The following AHI1 variants were observed in gnomAD, a reference collection of about 807,000 sequenced individuals.
AHI1 encodes Abelson helper integration site 1, also known as jouberin.
A neutral mutation model predicts 149.3 loss-of-function variants in AHI1; 123 were observed. The observed-to-expected ratio is 0.82, with a 90% CI of 0.71 to 0.96. The LOEUF (loss-of-function observed/expected upper bound fraction) is 0.96, where lower values mean the gene tolerates loss of function less well. Ranked by LOEUF, AHI1 falls within the 40% of genes least tolerant of loss-of-function variation. AHI1 has a pLI of 0.00. For missense variants in AHI1, 1,439 were observed against 1,422.7 expected, an observed-to-expected ratio of 1.01 and a Z score of -0.18; for synonymous variants, 475 against 459.8, an observed-to-expected ratio of 1.03 and a Z score of -0.42.
intron 12 of AHI1, 62 bp from the exon 13 acceptor site, chr6:135,447,222 T>C (rs898412164): frequency 3.5e-5 from 41 of 1,171,580 alleles, no homozygotes; most frequent in Non-Finnish European, 4.2e-5. Flanking sequence ...TTTTCTAGCA[T>C]ATAGTTTTTA....
At chr6:135,376,878 T>A (rs1226982103) in intron 23 of AHI1, among the ~76,000 whole-genome samples, 3 of 47,116 alleles carry the variant, frequency 6.4e-5, no homozygotes, top group Non-Finnish European at 9.8e-5. Flanking sequence ...CGAGACTCCA[T>A]CTCAAAAAAA....
intron 26 of AHI1, chr6:135,301,721 A>G: frequency 7.1e-6 from 7 of 985,486 alleles, no homozygotes; most frequent in Non-Finnish European, 8.4e-6. Flanking sequence ...CCCATTTGGT[A>G]GAACAACAAA....
rs140626761 is a variant in AHI1, at chr6:135,326,885, A to T, written c.3166-3561T>A. Among the ~76,000 whole-genome samples the T allele has an allele frequency of 2.4e-3, 368 of 151,876 alleles. 4 individuals are homozygous for T. Among genetic ancestry groups the T allele is most frequent in the African/African-American group, 8.4e-3 (346 of 41,430 alleles). On this transcript the variant is annotated intron_variant, in intron 24 of 28. Transcript: ENST00000265602. ...CCCGACAGGTAATTTTTCATTCTTC[A>T]TCCCTCTCCCACCCTCCTTCCACTC...
intron 23 of AHI1, among the ~76,000 whole-genome samples, chr6:135,391,552 G>T (rs1330557909): frequency 6.6e-6 from 1 of 152,082 alleles, no homozygotes; most frequent in Non-Finnish European, 1.5e-5. Context: ...CGGGGGTCAG[G>T]ACCCCTGATC....
At chr6:135,305,570 T>C (rs1205516532) in intron 26 of AHI1, among the ~76,000 whole-genome samples, 1 of 152,232 alleles carries the variant, frequency 6.6e-6, no homozygotes, top group African/African-American at 2.4e-5. Flanking sequence ...CACATGGATT[T>C]AGTCACCAAT....
intron 25 of AHI1, among the ~76,000 whole-genome samples, chr6:135,319,254 T>C (rs1786445609): frequency 6.6e-6 from 1 of 152,140 alleles, no homozygotes; most frequent in South Asian, 2.1e-4. Flanking sequence ...GGTGGGCAGA[T>C]CCCTTGAGGC....
At chr6:135,308,577 G>C (rs1263347145) in intron 26 of AHI1, among the ~76,000 whole-genome samples, 1 of 152,134 alleles carries the variant, frequency 6.6e-6, no homozygotes, top group Non-Finnish European at 1.5e-5. Context: ...TATGTTACCT[G>C]ATAAAAACAA....
chr6:135,400,459 T>C (rs1440842870), intron 22 of AHI1, among the ~76,000 whole-genome samples: 1 of 151,574 alleles, frequency 6.6e-6, no homozygotes, highest in Admixed American at 6.6e-5. Flanking sequence ...GATGTAATAC[T>C]TCAAAAAAAA....
chr6:135,433,854 T>C (rs1029834293), intron 15 of AHI1, among the ~76,000 whole-genome samples: 96 of 152,134 alleles, frequency 6.3e-4, no homozygotes, highest in African/African-American at 2.2e-3. Context: ...TATCCTACAT[T>C]AAGCACGTTC....
intron 27 of AHI1, among the ~76,000 whole-genome samples, chr6:135,296,259 G>C (rs1237508452): frequency 1.3e-5 from 2 of 151,724 alleles, no homozygotes; most frequent in Non-Finnish European, 2.9e-5. Context: ...ACTTTTTTCC[G>C]AGGCACCACC....
chr6:135,460,918 A>G (rs1447122027), intron 8 of AHI1, among the ~76,000 whole-genome samples: 3 of 152,166 alleles, frequency 2.0e-5, no homozygotes, highest in Admixed American at 6.5e-5. Flanking sequence ...ACATAAACCA[A>G]TTCCTGATGA....
intron 3 of AHI1, chr6:135,492,714 C>G (rs989793597): frequency 1.0e-6 from 1 of 985,268 alleles, no homozygotes; most frequent in African/African-American, 1.7e-5. Context: ...AGCACACTCA[C>G]AGTGAATTTA....
chr6:135,472,788 T>C (rs571916279), intron 5 of AHI1, among the ~76,000 whole-genome samples: 4 of 117,178 alleles, frequency 3.4e-5, no homozygotes, highest in Middle Eastern at 4.9e-3. Flanking sequence ...TATCTATAGC[T>C]GTCCTTTCGT....
intron 23 of AHI1, among the ~76,000 whole-genome samples, chr6:135,393,584 A>G (rs2128483481): frequency 6.6e-6 from 1 of 152,226 alleles, no homozygotes; most frequent in East Asian, 1.9e-4. Context: ...AATAGCCCAC[A>G]CTATTACTTT....
At chr6:135,410,298 C>T (rs768467558) in intron 21 of AHI1, among the ~76,000 whole-genome samples, 112 of 152,228 alleles carry the variant, frequency 7.4e-4, no homozygotes, top group Non-Finnish European at 1.4e-3. Flanking sequence ...TGAGCCCAGG[C>T]GTTCGAGACT....
chr6:135,407,207 C>A (rs984621781), intron 21 of AHI1, among the ~76,000 whole-genome samples: 3 of 152,074 alleles, frequency 2.0e-5, no homozygotes, highest in African/African-American at 7.2e-5. Context: ...CTCACACATA[C>A]CCCACAAAAA....
rs113719301 is a variant in AHI1 at position 135,285,856 on chromosome 6, C to T, written c.3589-209G>A. 9.8e-3 allele frequency among the ~76,000 whole-genome samples: 1,498 copies of T among 152,300 alleles called. 10 individuals carry two copies. The highest frequency in any genetic ancestry group is 0.016 in the Non-Finnish European group (1,106 of 68,018). ...AAACATTGTTAGCATCTTTTTGTAT[C>T]ATTAGCAATTGTTTAAGGCCTGCTC... On this transcript the variant is annotated intron_variant, in intron 28 of 28. Transcript: ENST00000265602.
At chr6:135,424,856 T>C (rs1318494435) in intron 20 of AHI1, among the ~76,000 whole-genome samples, 1 of 152,006 alleles carries the variant, frequency 6.6e-6, no homozygotes, top group African/African-American at 2.4e-5. Flanking sequence ...TTAAGTCTTT[T>C]GTGTTTTTTG....
intron 23 of AHI1, among the ~76,000 whole-genome samples, chr6:135,371,390 C>G (rs973173134): frequency 1.3e-5 from 2 of 152,098 alleles, no homozygotes; most frequent in Non-Finnish European, 2.9e-5. Context: ...GATTTTCTTT[C>G]CTATGTAAAG....
Sources: allele counts gnomAD v4.1 joint callset (sites outside exome capture counted in the v4.1 genomes callset), GRCh38; gene constraint gnomAD v4.1.1; transcripts MANE v1.5; gene names NCBI Gene and HGNC (gene_info 2026-07-23, HGNC 2026-07-21).